Variants in SLC4A4 observed in about 807,000 individuals in gnomAD.
SLC4A4 encodes electrogenic sodium bicarbonate cotransporter 1.
In SLC4A4, 27 loss-of-function variants were observed where a neutral mutation model predicts 111.5. The ratio of observed to expected loss-of-function variants is 0.24; its 90% CI spans 0.18 to 0.33. The LOEUF (loss-of-function observed/expected upper bound fraction) is 0.33. SLC4A4 is among the 10% of genes least tolerant of loss of function. SLC4A4 has a pLI of 1.00. For missense variants in SLC4A4, 909 were observed against 1,315.5 expected, an observed-to-expected ratio of 0.69 and a Z score of 4.78; for synonymous variants, 443 against 463.4, an observed-to-expected ratio of 0.96 and a Z score of 0.57.
chr4:71,545,790 G>C (rs953529987), intron 18 of SLC4A4, among the ~76,000 whole-genome samples: 4 of 152,028 alleles, frequency 2.6e-5, no homozygotes, highest in African/African-American at 9.7e-5. Context: ...TACATAAGTT[G>C]AGTACTGTCT....
intron 3 of SLC4A4, among the ~76,000 whole-genome samples, chr4:71,333,158 G>T (rs144090556): frequency 6.6e-6 from 1 of 152,286 alleles, no homozygotes; most frequent in East Asian, 1.9e-4. Flanking sequence ...ACCTGTCTTG[G>T]GAAAGCTTTT....
chr4:71,484,743 T>G (rs1197507903), intron 14 of SLC4A4, among the ~76,000 whole-genome samples: 1 of 151,868 alleles, frequency 6.6e-6, no homozygotes, highest in Non-Finnish European at 1.5e-5. Context: ...TGAATTACTT[T>G]GGGCATTATG....
At chr4:71,169,748 G>A (rs2148981760) in intron 2 of SLC4A4, among the ~76,000 whole-genome samples, 1 of 152,296 alleles carries the variant, frequency 6.6e-6, no homozygotes, top group East Asian at 1.9e-4. Context: ...AGATCAAGGT[G>A]TCAGCATGTG....
Position 71,355,054 on chromosome 4 carries a change from G to A in SLC4A4, c.551-1954G>A, listed in dbSNP as rs77059139. 3.7e-3 allele frequency among the ~76,000 whole-genome samples: 563 copies of A among 152,300 alleles called. 2 individuals carry two copies. Among genetic ancestry groups the A allele is most frequent in the Middle Eastern group, 0.01 (3 of 294 alleles). On this transcript the variant is annotated intron_variant, in intron 5 of 25. Coordinates refer to ENST00000264485, the MANE Select transcript of SLC4A4 (RefSeq NM_001098484.3). ...TAAAGAGATCCCTATAATGTTGGCC[G>A]TTTTAATGGAAACTTAATGAAGGGC...
At chr4:71,401,477 T>C (rs1381700265) in intron 7 of SLC4A4, among the ~76,000 whole-genome samples, 1 of 152,224 alleles carries the variant, frequency 6.6e-6, no homozygotes, top group Non-Finnish European at 1.5e-5. Flanking sequence ...TAAATCTACA[T>C]AAATAATCTC....
intron 6 of SLC4A4, among the ~76,000 whole-genome samples, chr4:71,396,046 C>A (rs928502719): frequency 2.0e-5 from 3 of 152,142 alleles, no homozygotes; most frequent in Admixed American, 2.0e-4. Flanking sequence ...TATTTGGGGG[C>A]ATTCAGATTG....
intron 14 of SLC4A4, 32 bp from the exon 15 acceptor site, chr4:71,486,916 T>C (rs1729456606): frequency 4.3e-6 from 6 of 1,400,192 alleles, no homozygotes; most frequent in Non-Finnish European, 5.0e-6. Context: ...ATTTTAGTTT[T>C]ATAGTATAAA....
intron 14 of SLC4A4, among the ~76,000 whole-genome samples, chr4:71,477,189 C>A (rs1728449582): frequency 6.6e-6 from 1 of 151,682 alleles, no homozygotes; most frequent in Non-Finnish European, 1.5e-5. Flanking sequence ...GTTTGATAAA[C>A]TCTGAACTGG....
At chr4:71,229,477 C>A (rs1014512682) in intron 1 of SLC4A4, among the ~76,000 whole-genome samples, 3 of 152,186 alleles carry the variant, frequency 2.0e-5, no homozygotes, top group African/African-American at 7.2e-5. Flanking sequence ...TTGGCGTGAT[C>A]TTGCTCTGGG....
chr4:71,475,233 A>G (rs566681966), intron 14 of SLC4A4, among the ~76,000 whole-genome samples: 1 of 151,818 alleles, frequency 6.6e-6, no homozygotes, highest in Non-Finnish European at 1.5e-5. Context: ...CACACAGAAA[A>G]AAACATCTAA....
intron 7 of SLC4A4, among the ~76,000 whole-genome samples, chr4:71,425,100 G>T (rs1722995092): frequency 6.6e-6 from 1 of 152,084 alleles, no homozygotes; most frequent in African/African-American, 2.4e-5. Flanking sequence ...ATGCAAAGAA[G>T]CGAGATTTAG....
At chr4:71,359,735 G>C (rs1046498369) in intron 6 of SLC4A4, among the ~76,000 whole-genome samples, 8 of 152,122 alleles carry the variant, frequency 5.3e-5, no homozygotes, top group African/African-American at 1.9e-4. Context: ...ACTGTAGGTA[G>C]AATTATTCCT....
chr4:71,536,476 A>ATATATATATG (rs1553928628), intron 18 of SLC4A4, among the ~76,000 whole-genome samples: 3 of 93,120 alleles, frequency 3.2e-5, no homozygotes, highest in African/African-American at 1.1e-4. Flanking sequence ...ATATATATAT[A>ATATATATATG]TATATATATA....
intron 1 of SLC4A4, among the ~76,000 whole-genome samples, chr4:71,224,305 G>A (rs770204717): frequency 6.6e-6 from 1 of 152,262 alleles, no homozygotes; most frequent in Non-Finnish European, 1.5e-5. Context: ...TCCCGCTCTT[G>A]TTCCTCAACT....
At chr4:71,433,018 C>T (rs1305513357) in intron 7 of SLC4A4, among the ~76,000 whole-genome samples, 1 of 152,042 alleles carries the variant, frequency 6.6e-6, no homozygotes, top group Non-Finnish European at 1.5e-5. Flanking sequence ...ATTCTTATCT[C>T]CATTCTTCTA....
chr4:71,473,029 C>G (rs763129789), intron 14 of SLC4A4, 59 bp downstream of exon 14: 1 of 1,587,784 alleles, frequency 6.3e-7, no homozygotes, highest in South Asian at 1.1e-5. Flanking sequence ...GGTGTAGGCT[C>G]CATGCTTGCA....
intron 1 of SLC4A4, among the ~76,000 whole-genome samples, chr4:71,076,342 C>T (rs1408352212): frequency 2.6e-5 from 4 of 151,994 alleles, no homozygotes. Flanking sequence ...ACCAGCCTGG[C>T]CAACATAGTG....
intron 15 of SLC4A4, among the ~76,000 whole-genome samples, chr4:71,487,324 G>T (rs1729502343): frequency 6.6e-6 from 1 of 151,604 alleles, no homozygotes; most frequent in Non-Finnish European, 1.5e-5. Context: ...ATTTTCACAA[G>T]GGAAAATGTG....
At chr4:71,443,863 G>A (rs1251212658) in intron 8 of SLC4A4, among the ~76,000 whole-genome samples, 1 of 152,004 alleles carries the variant, frequency 6.6e-6, no homozygotes, top group African/African-American at 2.4e-5. Flanking sequence ...AAACTTAGAG[G>A]GATTGGGATG....
Sources: gnomAD v4.1 joint callset for allele counts (sites outside exome capture counted in the v4.1 genomes callset) on GRCh38, gnomAD v4.1.1 for gene constraint, MANE v1.5 for transcripts, NCBI Gene and HGNC (gene_info 2026-07-23, HGNC 2026-07-21) for gene names.